NTAN1: variants seen among roughly 807,000 people sequenced by gnomAD.
NTAN1 encodes N-terminal asparagine amidase, also known as protein N-terminal asparagine amidohydrolase.
In NTAN1, 32 loss-of-function variants were observed where a neutral mutation model predicts 41.9. The observed-to-expected ratio is 0.76, with a 90% confidence interval of 0.58 to 1.03. NTAN1 has a LOEUF of 1.03. Ranked by LOEUF, NTAN1 falls within the 50% of genes least tolerant of loss-of-function variation. The probability of loss-of-function intolerance (pLI) is 0.00; values close to 1 mark genes in which losing one functional copy is unlikely to be tolerated. For missense variants in NTAN1, 377 were observed against 377.5 expected (o/e 1.00, Z 0.01); for synonymous variants, 140 against 139.5 (o/e 1.00, Z -0.03).
At chr16:15,047,369 G>A (rs2044117182) in intron 4 of NTAN1, 73 bp downstream of exon 4, 2 of 988,118 alleles carry the variant, frequency 2.0e-6, no homozygotes, top group Middle Eastern at 2.1e-4. Context: ...TCCCCTAACA[G>A]CTTCCACAGC....
intron 1 of NTAN1, among the ~76,000 whole-genome samples, chr16:15,051,276 G>A (rs575278242): frequency 1.3e-5 from 2 of 152,208 alleles, no homozygotes; most frequent in African/African-American, 4.8e-5. Context: ...CAGCTCCTAC[G>A]ATTTCCCAAA....
At chr16:15,041,731 C>T (rs763182729) in intron 5 of NTAN1, 55 bp from the exon 6 acceptor site, 2 of 1,324,636 alleles carry the variant, frequency 1.5e-6, no homozygotes, top group Non-Finnish European at 2.2e-6. Context: ...GTTACCAGAA[C>T]AAACTGCTGA....
chr16:15,055,349 G>T (rs547876285), intron 1 of NTAN1, among the ~76,000 whole-genome samples: 1 of 152,284 alleles, frequency 6.6e-6, no homozygotes, highest in African/African-American at 2.4e-5. Context: ...TCTCTCTCCC[G>T]GCTAAAAATA....
In NTAN1 at chr16:15,038,012, C is replaced by CTTTGGTAATTCATGTTTTTT; in HGVS notation, c.932_*18dup. The CTTTGGTAATTCATGTTTTTT allele has an allele frequency of 6.3e-7, 1 of 1,599,714 alleles. No individual in the cohort carries two copies. Among genetic ancestry groups the CTTTGGTAATTCATGTTTTTT allele is most frequent in the Non-Finnish European group, 8.5e-7 (1 of 1,170,770 alleles). ...GTCTGTCAGGCCAAGAAGGTGCTTT[C>CTTTGGTAATTCATGTTTTTT]TTTGGTAATTCATGTTTTTTAACTT... On this transcript the variant is annotated 3_prime_UTR_variant, in exon 10 of 10. Transcript: ENST00000287706.
At chr16:15,039,527 A>C (rs1382270578) in intron 8 of NTAN1, among the ~76,000 whole-genome samples, 1 of 152,188 alleles carries the variant, frequency 6.6e-6, no homozygotes, top group African/African-American at 2.4e-5. Flanking sequence ...TCAGACTTTA[A>C]ATTAATTTGA....
intron 1 of NTAN1, among the ~76,000 whole-genome samples, chr16:15,048,634 T>G (rs1428721996): frequency 6.6e-6 from 1 of 152,194 alleles, no homozygotes; most frequent in East Asian, 1.9e-4. Context: ...CCCTCTTTTT[T>G]ATTTTTTGAG....
In NTAN1 at chr16:15,044,615, T is replaced by G. The variant is rs1331448505; in HGVS notation, c.360-208A>C. ...TGGGGACCCTGCCCAGGGGCCCTGA[T>G]GACTGAGGGGATCCGTATCTGAACA... On this transcript the variant is annotated intron_variant, in intron 4 of 9. Coordinates refer to ENST00000287706, the MANE Select transcript of NTAN1 (RefSeq NM_173474.4). 15 of 591,274 alleles carry G rather than the reference T, an allele frequency of 2.5e-5. No homozygotes were observed. The South Asian group carries it at 3.0e-4, about 12-fold the overall frequency. The allele number at this position is 591,274 out of a possible 1,614,324, so 36.6% of individuals were successfully genotyped here.
At chr16:15,040,173 A>T in intron 7 of NTAN1, 107 bp from the exon 8 acceptor site, 1 of 626,804 alleles carries the variant, frequency 1.6e-6, no homozygotes, top group South Asian at 2.1e-5. Context: ...AGGAAAGTGA[A>T]CAGAATGGCT....
chr16:15,054,088 C>T (rs373695800), intron 1 of NTAN1, among the ~76,000 whole-genome samples: 2 of 152,232 alleles, frequency 1.3e-5, no homozygotes, highest in African/African-American at 4.8e-5. Context: ...TCCGGAGAAA[C>T]TGGCCAGGAC....
At chr16:15,055,777 C>T (rs2044486055) in intron 1 of NTAN1, 114 bp downstream of exon 1, 2 of 531,314 alleles carry the variant, frequency 3.8e-6, no homozygotes, top group East Asian at 7.3e-5. Flanking sequence ...GGCCGGGGCT[C>T]CGGATGTGCC....
chr16:15,055,395 G>A (rs1209387929), intron 1 of NTAN1, among the ~76,000 whole-genome samples: 1 of 152,232 alleles, frequency 6.6e-6, no homozygotes, highest in Non-Finnish European at 1.5e-5. Context: ...AGGGGAGAGA[G>A]AGGAGGAAGG....
At chr16:15,041,744 AAGCCAACGACAGGGAGGGACGGC>A in intron 5 of NTAN1, 68 bp from the exon 6 acceptor site, 1 of 1,178,768 alleles carries the variant, frequency 8.5e-7, no homozygotes, top group Non-Finnish European at 1.3e-6. Flanking sequence ...ACTGCTGAGC[AAGCCAACGACAGGGAGGGACGGC>A]AGCCAACTGA....
intron 1 of NTAN1, among the ~76,000 whole-genome samples, chr16:15,048,709 C>G (rs1330713240): frequency 6.6e-6 from 1 of 152,152 alleles, no homozygotes; most frequent in Non-Finnish European, 1.5e-5. Flanking sequence ...CTGCAGCCTC[C>G]ACCTCCCAGG....
intron 1 of NTAN1, among the ~76,000 whole-genome samples, chr16:15,051,123 G>C (rs2044274911): frequency 6.6e-6 from 1 of 152,204 alleles, no homozygotes; most frequent in African/African-American, 2.4e-5. Flanking sequence ...TTTGTTCTTT[G>C]AGGGAAGGGA....
chr16:15,038,810 G>A (rs2043671156), intron 8 of NTAN1, 123 bp from the exon 9 acceptor site: 1 of 595,464 alleles, frequency 1.7e-6, no homozygotes, highest in Admixed American at 3.3e-5. Flanking sequence ...CTTAAAACCT[G>A]TCTCAAATAA....
chr16:15,047,926 TA>T lies in NTAN1; in HGVS notation c.185-7del. The T allele has an allele frequency of 6.2e-7, 1 of 1,612,750 alleles. No homozygotes were observed. The highest frequency in any genetic ancestry group is 2.2e-5 in the East Asian group (1 of 44,866). ...ACCCAGAATGGAGATGGAGCCTGTTTAAAAAAGAAATAAAATAAAATATCCA... is the reference window on the plus strand; with the variant it reads ...ACCCAGAATGGAGATGGAGCCTGTTTAAAAAGAAATAAAATAAAATATCCA... On this transcript the variant is annotated splice_polypyrimidine_tract_variant and splice_region_variant and intron_variant, in intron 2 of 9. Coordinates refer to ENST00000287706, the MANE Select transcript of NTAN1 (RefSeq NM_173474.4).
At chr16:15,052,713 TACTC>T (rs1335451942) in intron 1 of NTAN1, among the ~76,000 whole-genome samples, 1 of 152,038 alleles carries the variant, frequency 6.6e-6, no homozygotes, top group Admixed American at 6.6e-5. Flanking sequence ...AGATGTCTGA[TACTC>T]AGGAGGCTGT....
chr16:15,046,625 T>C (rs1418564449), intron 4 of NTAN1, among the ~76,000 whole-genome samples: 1 of 135,880 alleles, frequency 7.4e-6, no homozygotes, highest in Non-Finnish European at 1.5e-5. Context: ...ACTATACCCC[T>C]CAGCTGGGAG....
At chr16:15,046,411 T>C (rs759135909) in intron 4 of NTAN1, among the ~76,000 whole-genome samples, 1 of 152,194 alleles carries the variant, frequency 6.6e-6, no homozygotes, top group Non-Finnish European at 1.5e-5. Context: ...AACAGTGGTC[T>C]TGACAGCAGG....
Sources: gnomAD v4.1 joint callset for allele counts (sites outside exome capture counted in the v4.1 genomes callset) on GRCh38, gnomAD v4.1.1 for gene constraint, MANE v1.5 for transcripts, NCBI Gene and HGNC (gene_info 2026-07-23, HGNC 2026-07-21) for gene names.